The following BIRC6 variants were observed in gnomAD, a reference collection of about 807,000 sequenced individuals.
BIRC6 encodes baculoviral IAP repeat containing 6.
BIRC6 carries 98 observed loss-of-function variants against 503.3 expected under a neutral mutation model. The observed-to-expected ratio is 0.19, with a 90% confidence interval of 0.17 to 0.23. The LOEUF (loss-of-function observed/expected upper bound fraction) is 0.23. BIRC6 is among the 10% of genes least tolerant of loss of function. BIRC6 has a pLI of 1.00. For synonymous variants in BIRC6, 2,240 were observed against 2,078.7 expected (o/e 1.08, Z -2.11); for missense variants, 5,360 against 5,806.0 (o/e 0.92, Z 2.50).
At chr2:32,461,068 T>TCC (rs1366596293) in intron 23 of BIRC6, among the ~76,000 whole-genome samples, 5 of 26,836 alleles carry the variant, frequency 1.9e-4, no homozygotes, top group African/African-American at 4.5e-4. Flanking sequence ...TTCTCTTCTG[T>TCC]TCTCCTCTCC....
At chr2:32,530,979 C>G (rs2056699857) in intron 60 of BIRC6, among the ~76,000 whole-genome samples, 1 of 152,112 alleles carries the variant, frequency 6.6e-6, no homozygotes, top group Admixed American at 6.5e-5. Context: ...ACTTTGAGAA[C>G]TTATTTATTT....
At chr2:32,365,476 C>T (rs775601353) in intron 1 of BIRC6, among the ~76,000 whole-genome samples, 3 of 151,854 alleles carry the variant, frequency 2.0e-5, no homozygotes, top group Non-Finnish European at 2.9e-5. Context: ...TGCGCCTGCA[C>T]GCCCAGCTAA....
At chr2:32,364,443 A>G (rs1470701464) in intron 1 of BIRC6, among the ~76,000 whole-genome samples, 2 of 152,020 alleles carry the variant, frequency 1.3e-5, no homozygotes, top group Admixed American at 6.5e-5. Context: ...GAGTTTCACC[A>G]TGTTGGTCAG....
intron 45 of BIRC6, among the ~76,000 whole-genome samples, chr2:32,496,762 A>G (rs889767062): frequency 6.6e-6 from 1 of 152,146 alleles, no homozygotes; most frequent in South Asian, 2.1e-4. Flanking sequence ...AGATTGCATC[A>G]TTCTGTAGAT....
chr2:32,526,492 C>G (rs1438629446), intron 59 of BIRC6: 1 of 152,108 alleles, frequency 6.6e-6, no homozygotes, highest in Non-Finnish European at 1.5e-5. Context: ...GAAAAACAAG[C>G]TGTTGGAGAA....
intron 13 of BIRC6, among the ~76,000 whole-genome samples, chr2:32,435,225 C>A (rs929392064): frequency 2.0e-5 from 3 of 152,108 alleles, no homozygotes; most frequent in African/African-American, 7.2e-5. Flanking sequence ...AGGGTAAGAA[C>A]TTTTAGTTTA....
chr2:32,565,599 CT>C (rs1394875488), intron 65 of BIRC6: 1 of 152,122 alleles, frequency 6.6e-6, no homozygotes, highest in Non-Finnish European at 1.5e-5. Context: ...TCTTATATTT[CT>C]TTATAGGAAA....
At chr2:32,371,154 A>G (rs1369334894) in intron 1 of BIRC6, among the ~76,000 whole-genome samples, 2 of 138,698 alleles carry the variant, frequency 1.4e-5, no homozygotes, top group African/African-American at 5.3e-5. Context: ...CAGAGGTTGC[A>G]GTGAGTTGAG....
chr2:32,488,808 G>T, intron 42 of BIRC6, 94 bp downstream of exon 42: 1 of 902,412 alleles, frequency 1.1e-6, no homozygotes, highest in Middle Eastern at 3.7e-4. Flanking sequence ...GTCATTAGGG[G>T]TTATAACATT....
chr2:32,547,326 TG>T (rs2058120664), intron 63 of BIRC6, among the ~76,000 whole-genome samples: 1 of 152,240 alleles, frequency 6.6e-6, no homozygotes, highest in Admixed American at 6.5e-5. Flanking sequence ...ATGTGTTTAT[TG>T]ATTCATTCAT....
chr2:32,525,549 A>G lies in BIRC6; in HGVS notation c.11841A>G (p.Ile3947Met). The change falls in exon 59 of 74, where the codon ATA becomes ATG. Residue 3947 changes from isoleucine to methionine, a missense_variant. Ile to Met is a conservative substitution (Grantham distance 10). Transcript: ENST00000421745. ...GGGGGAGGACAATACCTGATAAAAT[A>G]GGAAGTACTTCAGGAGCAGAGGCTG... ...SRRGRTIPDKIGSTSGAEAAN... is the reference protein window; with the variant it reads ...SRRGRTIPDKMGSTSGAEAAN... 3.1e-6 allele frequency: 5 copies of G among 1,613,996 alleles called. No individual in the cohort carries two copies. Among genetic ancestry groups the G allele is most frequent in the Non-Finnish European group, 3.4e-6 (4 of 1,179,864 alleles).
intron 11 of BIRC6, 73 bp from the exon 12 acceptor site, chr2:32,430,792 A>G (rs989983265): frequency 3.5e-6 from 4 of 1,155,656 alleles, no homozygotes; most frequent in Non-Finnish European, 4.9e-6. Context: ...TTAAAACTTC[A>G]CTTCATTGTC....
Position 32,595,157 on chromosome 2 carries a change from T to G in BIRC6, c.13612+13T>G. The G allele has an allele frequency of 6.6e-7, 1 of 1,512,382 alleles. No homozygotes were observed. The highest frequency in any genetic ancestry group is 9.0e-7 in the Non-Finnish European group (1 of 1,111,478). 93.7% of individuals were successfully genotyped at this position (1,512,382 alleles called of 1,614,324 possible). Reference sequence around the variant, plus strand: ...AAATTACAGTTTGGTAAGATGAAATTTTTGATTTGCTTAAGATCTCACTTT... The same window carrying G: ...AAATTACAGTTTGGTAAGATGAAATGTTTGATTTGCTTAAGATCTCACTTT... On this transcript the variant is annotated intron_variant, in intron 68 of 73. Coordinates refer to ENST00000421745, the MANE Select transcript of BIRC6 (RefSeq NM_016252.4).
chr2:32,416,385 GTATCTTC>G (rs1247098717), intron 10 of BIRC6, among the ~76,000 whole-genome samples: 1 of 152,008 alleles, frequency 6.6e-6, no homozygotes, highest in East Asian at 1.9e-4. Flanking sequence ...CACTTAGCAA[GTATCTTC>G]TGCTTTAACC....
intron 1 of BIRC6, among the ~76,000 whole-genome samples, chr2:32,360,878 A>C (rs1431148449): frequency 6.6e-6 from 1 of 152,060 alleles, no homozygotes; most frequent in Non-Finnish European, 1.5e-5. Flanking sequence ...CAGGATGCCT[A>C]ATATACAGTG....
At chr2:32,548,656 C>G (rs189960035) in intron 64 of BIRC6, 1 of 152,196 alleles carries the variant, frequency 6.6e-6, no homozygotes, top group African/African-American at 2.4e-5. Context: ...GTGGCACATG[C>G]CTGTAATCCC....
chr2:32,508,747 T>A (rs746685229), intron 51 of BIRC6, among the ~76,000 whole-genome samples: 22 of 152,142 alleles, frequency 1.4e-4, no homozygotes, highest in Non-Finnish European at 2.9e-5. Context: ...TTTTGACAGC[T>A]GGATGTTTTA....
chr2:32,404,528 G>A (rs1391641641), intron 8 of BIRC6, among the ~76,000 whole-genome samples: 1 of 152,016 alleles, frequency 6.6e-6, no homozygotes, highest in Non-Finnish European at 1.5e-5. Flanking sequence ...TGGCCAGGCT[G>A]GTCTCAAACT....
At chr2:32,546,805 A>G (rs761496870) in intron 63 of BIRC6, among the ~76,000 whole-genome samples, 10 of 152,010 alleles carry the variant, frequency 6.6e-5, no homozygotes, top group Admixed American at 3.9e-4. Context: ...TTGACTGGGC[A>G]TGGTAGCTCA....
Sources: allele counts gnomAD v4.1 joint callset (sites outside exome capture counted in the v4.1 genomes callset), GRCh38; gene constraint gnomAD v4.1.1; transcripts MANE v1.5; gene names NCBI Gene and HGNC (gene_info 2026-07-23, HGNC 2026-07-21).